NEGR1: variants seen among roughly 807,000 people sequenced by gnomAD.
NEGR1 encodes the protein IgLON family member 4.
Under a neutral mutation model 40.9 loss-of-function variants are expected in NEGR1, and 10 were observed. That is an observed-to-expected ratio of 0.24 (90% CI 0.15 to 0.42). The LOEUF is 0.42. Ranked by LOEUF, NEGR1 falls within the 10% of genes least tolerant of loss-of-function variation. NEGR1 has a pLI of 1.00. For missense variants in NEGR1, 352 were observed against 438.9 expected (o/e 0.80, Z 1.77); for synonymous variants, 185 against 166.8 (o/e 1.11, Z -0.84).
chr1:71,544,613 G>T (rs1216195218), intron 6 of NEGR1, among the ~76,000 whole-genome samples: 1 of 151,672 alleles, frequency 6.6e-6, no homozygotes, highest in East Asian at 2.0e-4. Flanking sequence ...ACATTATAAA[G>T]TTAGTATTAT....
At chr1:71,851,682 A>C (rs1659606516) in intron 2 of NEGR1, among the ~76,000 whole-genome samples, 1 of 152,144 alleles carries the variant, frequency 6.6e-6, no homozygotes, top group South Asian at 2.1e-4. Flanking sequence ...TCTCATGAAG[A>C]GGGGCAAGAG....
At chr1:71,699,850 A>G (rs1322830564) in intron 3 of NEGR1, among the ~76,000 whole-genome samples, 2 of 151,842 alleles carry the variant, frequency 1.3e-5, no homozygotes, top group Non-Finnish European at 2.9e-5. Flanking sequence ...ATAATAGTGA[A>G]TAAGTCTCAT....
rs1306165805 is a variant in NEGR1, at chr1:72,192,421, A to G, written c.176+89898T>C. Among the ~76,000 whole-genome samples, 3 of 151,946 alleles carry G rather than the reference A, an allele frequency of 2.0e-5. No individual in the cohort carries two copies. The Admixed American group carries it at 2.0e-4, about 10-fold the overall frequency. Reference sequence around the variant, plus strand: ...GTTTTGGCAGATAGTAAAATACATCACTGTATAATATACTCTAGGAACAAC... The same window carrying G: ...GTTTTGGCAGATAGTAAAATACATCGCTGTATAATATACTCTAGGAACAAC... On this transcript the variant is annotated intron_variant, in intron 1 of 6. Transcript: ENST00000357731.
At chr1:71,837,753 C>A (rs981451182) in intron 2 of NEGR1, among the ~76,000 whole-genome samples, 1 of 152,080 alleles carries the variant, frequency 6.6e-6, no homozygotes, top group South Asian at 2.1e-4. Context: ...TAATTAACAT[C>A]TATTTAAAGC....
intron 1 of NEGR1, among the ~76,000 whole-genome samples, chr1:72,137,511 T>G (rs889097643): frequency 6.7e-6 from 1 of 148,680 alleles, no homozygotes; most frequent in Non-Finnish European, 1.5e-5. Flanking sequence ...AACCAAACAC[T>G]GCATGTTGTC....
intron 4 of NEGR1, among the ~76,000 whole-genome samples, chr1:71,624,914 A>G (rs1164901726): frequency 6.6e-6 from 1 of 151,972 alleles, no homozygotes; most frequent in African/African-American, 2.4e-5. Context: ...TCGCATTGGA[A>G]TGTACAATTC....
chr1:71,866,857 A>C (rs957905530), intron 2 of NEGR1, among the ~76,000 whole-genome samples: 1 of 152,210 alleles, frequency 6.6e-6, no homozygotes, highest in Non-Finnish European at 1.5e-5. Flanking sequence ...AAGGTTCTAC[A>C]TCAAAAGCTA....
chr1:71,776,380 G>A (rs895621209), intron 2 of NEGR1, 83 bp from the exon 3 acceptor site: 3 of 811,612 alleles, frequency 3.7e-6, no homozygotes, highest in African/African-American at 3.5e-5. Flanking sequence ...ATAATATCAT[G>A]CAAGAAAGGT....
At chr1:71,779,786 C>T (rs1450559312) in intron 2 of NEGR1, among the ~76,000 whole-genome samples, 1 of 151,918 alleles carries the variant, frequency 6.6e-6, no homozygotes, top group Non-Finnish European at 1.5e-5. Flanking sequence ...CCAGGCTGCT[C>T]TCGAACTCCT....
intron 6 of NEGR1, among the ~76,000 whole-genome samples, chr1:71,583,775 A>G (rs1213175225): frequency 6.6e-6 from 1 of 152,190 alleles, no homozygotes; most frequent in African/African-American, 2.4e-5. Flanking sequence ...AGTGTTTTAG[A>G]AAACTTGGAA....
intron 6 of NEGR1, among the ~76,000 whole-genome samples, chr1:71,462,780 A>T (rs913530206): frequency 6.6e-6 from 1 of 152,170 alleles, no homozygotes; most frequent in African/African-American, 2.4e-5. Context: ...TTCATTTATT[A>T]TTGTGTTTCT....
chr1:72,063,110 G>C (rs1355911022), intron 1 of NEGR1, among the ~76,000 whole-genome samples: 1 of 151,818 alleles, frequency 6.6e-6, no homozygotes, highest in African/African-American at 2.4e-5. Flanking sequence ...TTCAGTCCCA[G>C]TTTATTTCTG....
At chr1:71,735,047 C>T (rs1038646957) in intron 3 of NEGR1, among the ~76,000 whole-genome samples, 33 of 152,064 alleles carry the variant, frequency 2.2e-4, no homozygotes, top group African/African-American at 7.2e-4. Flanking sequence ...AATTTGCCAA[C>T]TTCCAATTTT....
At chr1:72,206,095 C>G (rs750762538) in intron 1 of NEGR1, among the ~76,000 whole-genome samples, 33 of 151,202 alleles carry the variant, frequency 2.2e-4, no homozygotes, top group Admixed American at 1.7e-3. Context: ...ACAGCTAACT[C>G]TAATATAATG....
chr1:71,718,713 C>T (rs946503575), intron 3 of NEGR1, among the ~76,000 whole-genome samples: 11 of 151,964 alleles, frequency 7.2e-5, no homozygotes, highest in Non-Finnish European at 1.5e-4. Context: ...AAAAAGCCTG[C>T]CATTTTTTTA....
At chr1:72,063,070 G>C (rs1647202802) in intron 1 of NEGR1, among the ~76,000 whole-genome samples, 1 of 151,540 alleles carries the variant, frequency 6.6e-6, no homozygotes, top group Non-Finnish European at 1.5e-5. Context: ...AATAGATTAT[G>C]ATATAGTATT....
chr1:71,670,043 A>G (rs1305757466), intron 4 of NEGR1, among the ~76,000 whole-genome samples: 1 of 151,920 alleles, frequency 6.6e-6, no homozygotes, highest in Non-Finnish European at 1.5e-5. Context: ...CCTTTCCATT[A>G]TTCTTCATTC....
At chr1:71,545,426 G>A (rs1647861036) in intron 6 of NEGR1, among the ~76,000 whole-genome samples, 2 of 151,592 alleles carry the variant, frequency 1.3e-5, no homozygotes, top group Admixed American at 6.6e-5. Flanking sequence ...AACTCCTTTG[G>A]AAGCCAATGC....
At chr1:71,913,231 T>C (rs75700681) in intron 2 of NEGR1, among the ~76,000 whole-genome samples, 10,565 of 152,146 alleles carry the variant, frequency 0.069, 1,286 homozygotes, top group African/African-American at 0.24. Context: ...GTCTCCTGCC[T>C]CAGCCTCCAA....
Sources: gnomAD v4.1 joint callset for allele counts (sites outside exome capture counted in the v4.1 genomes callset) on GRCh38, gnomAD v4.1.1 for gene constraint, MANE v1.5 for transcripts, NCBI Gene and HGNC (gene_info 2026-07-23, HGNC 2026-07-21) for gene names.